The following DCLK1 variants were observed in gnomAD, a reference collection of about 807,000 sequenced individuals.
DCLK1 encodes the protein serine/threonine-protein kinase DCLK1.
In DCLK1, 16 loss-of-function variants were observed where a neutral mutation model predicts 86.2. That is an observed-to-expected ratio of 0.19 (90% CI 0.13 to 0.28). The LOEUF (loss-of-function observed/expected upper bound fraction) is 0.28, where lower values mean the gene tolerates loss of function less well. DCLK1 is among the 10% of genes least tolerant of loss of function. The probability of loss-of-function intolerance (pLI) is 1.00; values close to 1 mark genes in which losing one functional copy is unlikely to be tolerated. For missense variants in DCLK1, 590 were observed against 940.2 expected (o/e 0.63, Z 4.87); for synonymous variants, 369 against 370.5 (o/e 1.00, Z 0.05).
chr13:36,070,458 G>T (rs986134157), intron 3 of DCLK1, among the ~76,000 whole-genome samples: 1 of 152,164 alleles, frequency 6.6e-6, no homozygotes, highest in Non-Finnish European at 1.5e-5. Context: ...TTTGGTCAGA[G>T]AATTTCTATT....
intron 7 of DCLK1, among the ~76,000 whole-genome samples, chr13:35,838,065 C>CAAAAAAAAAAAAA (rs748395648): frequency 1.7e-4 from 17 of 100,378 alleles, no homozygotes; most frequent in African/African-American, 4.7e-4. Flanking sequence ...GACTCCATCT[C>CAAAAAAAAAAAAA]AAAAAAAAAA....
chr13:36,035,130 C>T (rs1882436329), intron 3 of DCLK1, among the ~76,000 whole-genome samples: 1 of 152,210 alleles, frequency 6.6e-6, no homozygotes, highest in African/African-American at 2.4e-5. Flanking sequence ...CATGGCTGCC[C>T]CTTTGTCTGC....
intron 5 of DCLK1, chr13:35,869,141 C>T (rs776099119): frequency 1.4e-5 from 7 of 510,402 alleles, no homozygotes; most frequent in East Asian, 5.5e-5. Flanking sequence ...TTAGTTAAGA[C>T]TGAACATCCT....
intron 4 of DCLK1, among the ~76,000 whole-genome samples, chr13:35,926,014 A>G (rs1876097346): frequency 6.6e-6 from 1 of 152,162 alleles, no homozygotes; most frequent in African/African-American, 2.4e-5. Context: ...TACACATATT[A>G]ACAGTCTCTT....
chr13:35,930,740 A>G (rs1315346278), intron 4 of DCLK1, among the ~76,000 whole-genome samples: 1 of 152,240 alleles, frequency 6.6e-6, no homozygotes, highest in Non-Finnish European at 1.5e-5. Context: ...ACTCAGTGTG[A>G]AAGGTAAAAT....
At chr13:35,789,560 T>C (rs921684984) in intron 16 of DCLK1, among the ~76,000 whole-genome samples, 1 of 152,216 alleles carries the variant, frequency 6.6e-6, no homozygotes, top group African/African-American at 2.4e-5. Context: ...AGAACTAAGC[T>C]TCCCAGTGTC....
At chr13:36,012,032 A>G (rs1206120416) in intron 3 of DCLK1, among the ~76,000 whole-genome samples, 8 of 145,204 alleles carry the variant, frequency 5.5e-5, no homozygotes, top group African/African-American at 2.1e-4. Context: ...CTGTTTTATC[A>G]GAGACTAGGA....
intron 3 of DCLK1, among the ~76,000 whole-genome samples, chr13:36,030,862 C>G (rs1372393292): frequency 6.6e-6 from 1 of 152,112 alleles, no homozygotes; most frequent in African/African-American, 2.4e-5. Context: ...TCACTCATTG[C>G]TGTGCTCTCA....
At chr13:36,016,557 C>A (rs1480653593) in intron 3 of DCLK1, among the ~76,000 whole-genome samples, 1 of 152,104 alleles carries the variant, frequency 6.6e-6, no homozygotes, top group Non-Finnish European at 1.5e-5. Flanking sequence ...CAGTCACTTT[C>A]TTTTATCTGG....
intron 2 of DCLK1, 149 bp downstream of exon 2, chr13:36,125,613 A>T: frequency 8.2e-7 from 1 of 1,215,114 alleles, no homozygotes; most frequent in South Asian, 1.6e-5. Flanking sequence ...TACTCTACAC[A>T]ATAGCACATT....
chr13:36,012,312 C>A (rs1881309537), intron 3 of DCLK1, among the ~76,000 whole-genome samples: 2 of 151,194 alleles, frequency 1.3e-5, no homozygotes, highest in South Asian at 4.3e-4. Flanking sequence ...GATGCAGTTT[C>A]TTCCTAGTCT....
chr13:35,828,353 A>T, intron 8 of DCLK1, 46 bp from the exon 9 acceptor site: 1 of 1,483,734 alleles, frequency 6.7e-7, no homozygotes, highest in Admixed American at 1.8e-5. Flanking sequence ...TTAACTTCAA[A>T]TCTATTGAAT....
At chr13:35,886,761 C>T (rs1566586384) in intron 4 of DCLK1, among the ~76,000 whole-genome samples, 2 of 152,206 alleles carry the variant, frequency 1.3e-5, no homozygotes, top group Non-Finnish European at 2.9e-5. Context: ...TTTGTGGAGT[C>T]TGTCAGTCGT....
chr13:35,827,819 G>A, intron 9 of DCLK1, 65 bp from the exon 10 acceptor site: 1 of 1,584,468 alleles, frequency 6.3e-7, no homozygotes, highest in Middle Eastern at 1.7e-4. Flanking sequence ...ACTCAAATGA[G>A]TACAACTATA....
chr13:35,886,691 C>A (rs1391809053), intron 4 of DCLK1, among the ~76,000 whole-genome samples: 1 of 152,172 alleles, frequency 6.6e-6, no homozygotes, highest in Admixed American at 6.5e-5. Context: ...AAAATAAATT[C>A]TTTCCTTTTT....
chr13:35,965,534 T>C (rs1878691317), intron 3 of DCLK1, among the ~76,000 whole-genome samples: 2 of 152,242 alleles, frequency 1.3e-5, no homozygotes, highest in African/African-American at 4.8e-5. Context: ...TTTAAGGATC[T>C]CAGTTTACCA....
At position 35,982,886 on chromosome 13, in the gene DCLK1, C is replaced by G. The variant is rs1566632040; in HGVS notation, c.724-35429G>C. On this transcript the variant is annotated intron_variant, in intron 3 of 16. Coordinates refer to ENST00000360631, the MANE Select transcript of DCLK1 (RefSeq NM_001330071.2). The stretch of plus-strand genomic sequence containing the variant: ...AAGCCATTCTCCTGCCTCAGCTTCC[C>G]AAGTAGCTAGGATTACAAGCACCCG... Among the ~76,000 whole-genome samples the G allele has an allele frequency of 5.3e-5, 8 of 151,132 alleles. No homozygotes were observed. In the South Asian group the frequency reaches 1.1e-3, roughly 20 times the overall value.
At chr13:35,867,240 A>T (rs1040043728) in intron 5 of DCLK1, among the ~76,000 whole-genome samples, 1 of 152,238 alleles carries the variant, frequency 6.6e-6, no homozygotes, top group African/African-American at 2.4e-5. Context: ...ATTGCATGTT[A>T]TCTCTTCCAG....
At chr13:35,951,724 C>T (rs574870136) in intron 3 of DCLK1, among the ~76,000 whole-genome samples, 6 of 152,066 alleles carry the variant, frequency 3.9e-5, no homozygotes, top group African/African-American at 7.2e-5. Flanking sequence ...GTAATTCAGC[C>T]GAGAGTGACT....
Sources: allele counts gnomAD v4.1 joint callset (sites outside exome capture counted in the v4.1 genomes callset), GRCh38; gene constraint gnomAD v4.1.1; transcripts MANE v1.5; gene names NCBI Gene and HGNC (gene_info 2026-07-23, HGNC 2026-07-21).